Variants in GPLD1 observed in about 807,000 individuals in gnomAD.
The protein encoded by GPLD1 is glycosylphosphatidylinositol specific phospholipase D1.
Under a neutral mutation model 112.6 loss-of-function variants are expected in GPLD1, and 84 were observed. The ratio of observed to expected loss-of-function variants is 0.75; its 90% CI spans 0.63 to 0.89. GPLD1 has a LOEUF of 0.89. Ranked by LOEUF, GPLD1 falls within the 40% of genes least tolerant of loss-of-function variation. GPLD1 has a pLI of 0.00. For synonymous variants in GPLD1, 386 were observed against 403.8 expected, an observed-to-expected ratio of 0.96 and a Z score of 0.53; for missense variants, 1,044 against 1,051.5, an observed-to-expected ratio of 0.99 and a Z score of 0.10.
chr6:24,438,256 A>G (rs1446268981), intron 20 of GPLD1, among the ~76,000 whole-genome samples: 1 of 152,262 alleles, frequency 6.6e-6, no homozygotes, highest in East Asian at 1.9e-4. Flanking sequence ...CAAGTATTCA[A>G]TAAAGTGTTT....
At chr6:24,489,975 A>G (rs1764510847), upstream of GPLD1, among the ~76,000 whole-genome samples, 1 of 152,206 alleles carries the variant, frequency 6.6e-6, no homozygotes, top group Admixed American at 6.5e-5. Context: ...CACATTTATC[A>G]GGCTGTCCTG....
At chr6:24,483,733 T>C (rs1165137913) in intron 2 of GPLD1, among the ~76,000 whole-genome samples, 10 of 151,734 alleles carry the variant, frequency 6.6e-5, no homozygotes. Flanking sequence ...CGGTGTCGGA[T>C]TAGAATTGGT....
At chr6:24,462,327 G>T (rs1763464890) in intron 11 of GPLD1, among the ~76,000 whole-genome samples, 1 of 151,876 alleles carries the variant, frequency 6.6e-6, no homozygotes, top group African/African-American at 2.4e-5. Flanking sequence ...AGATATAGGG[G>T]TCTCACTATG....
chr6:24,428,206 T>A lies in GPLD1; in HGVS notation c.*826A>T, dbSNP rs1451044970. On this transcript the variant is annotated 3_prime_UTR_variant, in exon 25 of 25. Transcript: ENST00000230036. Reference sequence around the variant, plus strand: ...ACTATGCTTTCTATTATACTTTGATTGGCATGGGCCAATCTGTTATTTTTA... The same window carrying A: ...ACTATGCTTTCTATTATACTTTGATAGGCATGGGCCAATCTGTTATTTTTA... 6.6e-6 allele frequency: 1 copy of A among 151,138 alleles called. No individual in the cohort carries two copies. Among genetic ancestry groups the A allele is most frequent in the East Asian group, 1.9e-4 (1 of 5,164 alleles). The allele number at this position is 151,138 out of a possible 1,614,324, so 9.4% of individuals were successfully genotyped here. A position where few individuals can be genotyped will look rare whatever the true frequency, so the allele number is the denominator to read the frequency against.
chr6:24,450,336 A>G (rs1370415304), intron 14 of GPLD1, among the ~76,000 whole-genome samples: 2 of 152,096 alleles, frequency 1.3e-5, no homozygotes, highest in Non-Finnish European at 2.9e-5. Flanking sequence ...CCCCATCTGT[A>G]CTAAAACTAC....
intron 5 of GPLD1, among the ~76,000 whole-genome samples, chr6:24,474,732 G>C (rs1763950180): frequency 6.6e-6 from 1 of 152,082 alleles, no homozygotes; most frequent in Admixed American, 6.6e-5. Flanking sequence ...ATGAGGTCAG[G>C]AGATCAAGAC....
intron 5 of GPLD1, among the ~76,000 whole-genome samples, chr6:24,473,981 C>T (rs1216862778): frequency 1.3e-5 from 2 of 151,882 alleles, no homozygotes; most frequent in Non-Finnish European, 2.9e-5. Context: ...AAAAAATTGG[C>T]CGGGCATGGT....
chr6:24,488,640 ATG>A (rs1314467657), intron 1 of GPLD1, among the ~76,000 whole-genome samples: 1 of 152,128 alleles, frequency 6.6e-6, no homozygotes. Flanking sequence ...GGGGGGGCGG[ATG>A]TGTTAATTAG....
chr6:24,467,320 GA>G, intron 7 of GPLD1, 46 bp from the exon 8 acceptor site: 1 of 1,020,790 alleles, frequency 9.8e-7, no homozygotes, highest in Non-Finnish European at 1.6e-6. Context: ...TTCTGAAGCT[GA>G]AAATAGTAAC....
At position 24,425,922 on chromosome 6, in the gene GPLD1, T is replaced by G. The variant is rs1340854801; in HGVS notation, c.*3110A>C. The G allele has an allele frequency of 6.6e-6, 1 of 152,220 alleles. No homozygotes were observed. Among genetic ancestry groups the G allele is most frequent in the Non-Finnish European group, 1.5e-5 (1 of 68,044 alleles). The allele number at this position is 152,220 out of a possible 1,614,324, so 9.4% of individuals were successfully genotyped here. A position where few individuals can be genotyped will look rare whatever the true frequency, so the allele number is the denominator to read the frequency against. ...GGAATTGCAATATTAAAGTTGCACGTTGGATTTAACTCTCATGACTTTAGT... is the reference window on the plus strand; with the variant it reads ...GGAATTGCAATATTAAAGTTGCACGGTGGATTTAACTCTCATGACTTTAGT... On this transcript the variant is annotated 3_prime_UTR_variant, in exon 25 of 25. Transcript: ENST00000230036.
rs1289033827 is a variant in GPLD1, at chr6:24,436,612, T to A, written c.2322A>T (p.Lys774Asn). 1 of 1,614,012 alleles carries A rather than the reference T, an allele frequency of 6.2e-7. No homozygotes were observed. Among genetic ancestry groups the A allele is most frequent in the South Asian group, 1.1e-5 (1 of 91,082 alleles). ...KETTLGDMTG[K>N]CKSWITPCPE... ...GACATGGAGTTATCCATGATTTGCA[T>A]TTGCCAGTCATGTCACCAAGGGTGG... Residue 774 changes from lysine (K) to asparagine (N), a missense_variant, in exon 22 of 25, where the codon AAA (lysine) becomes AAT (asparagine). Physicochemically the swap from Lys to Asn is moderately conservative, Grantham distance 94. Coordinates refer to ENST00000230036, the MANE Select transcript of GPLD1 (RefSeq NM_001503.4).
At chr6:24,481,568 T>G (rs1170589411) in intron 2 of GPLD1, among the ~76,000 whole-genome samples, 1 of 152,178 alleles carries the variant, frequency 6.6e-6, no homozygotes, top group Admixed American at 6.6e-5. Context: ...CAGAATGCTG[T>G]GGCCAGCATG....
chr6:24,487,589 T>C (rs1016951776), intron 1 of GPLD1, among the ~76,000 whole-genome samples: 4 of 152,228 alleles, frequency 2.6e-5, no homozygotes, highest in Non-Finnish European at 5.9e-5. Flanking sequence ...CTCATCAGCT[T>C]ACTCTGTAGT....
At chr6:24,453,923 CTT>C (rs1422284628) in intron 14 of GPLD1, 90 bp downstream of exon 14, 4 of 796,478 alleles carry the variant, frequency 5.0e-6, no homozygotes, top group Non-Finnish European at 8.3e-6. Context: ...TGTAATTATT[CTT>C]GTTATTAGTT....
chr6:24,482,483 G>T (rs182581897), intron 2 of GPLD1, among the ~76,000 whole-genome samples: 47 of 152,108 alleles, frequency 3.1e-4, no homozygotes, highest in African/African-American at 1.0e-3. Flanking sequence ...GTTTCACCAG[G>T]TTGGCCAGGC....
chr6:24,478,440 T>C (rs1261131862), intron 3 of GPLD1, among the ~76,000 whole-genome samples: 2 of 152,094 alleles, frequency 1.3e-5, no homozygotes, highest in African/African-American at 4.8e-5. Flanking sequence ...AATGGGATAA[T>C]AGCAGATGAC....
Position 24,467,272 on chromosome 6 carries a change from T to C in GPLD1, c.548A>G (p.Tyr183Cys), listed in dbSNP as rs748387486. Residue 183 changes from tyrosine to cysteine, a missense_variant and splice_region_variant, in exon 8 of 25, where the codon TAT (tyrosine) becomes TGT (cysteine). Physicochemically the swap from Tyr to Cys is radical, Grantham distance 194. Transcript: ENST00000230036. ...FNFNYLARRW[Y>C]VPVKDLLGIY... Reference sequence around the variant, plus strand: ...TCCCAGTAGATCTTTGACTGGCACATACCTGAAAAATGCAGAATAAAGTAA... The same window carrying C: ...TCCCAGTAGATCTTTGACTGGCACACACCTGAAAAATGCAGAATAAAGTAA... 6 of 1,534,356 alleles carry C rather than the reference T, an allele frequency of 3.9e-6. No individual in the cohort carries two copies. Among genetic ancestry groups the C allele is most frequent in the Admixed American group, 1.7e-5 (1 of 59,724 alleles).
exon 1 of GPLD1, chr6:24,495,101 C>CGGGCCT (rs930349217): frequency 7.6e-7 from 1 of 1,314,982 alleles, no homozygotes; most frequent in African/African-American, 1.5e-5. Context: ...TCCCTGCCTC[C>CGGGCCT]GGGCCTGCGC....
intron 10 of GPLD1, among the ~76,000 whole-genome samples, chr6:24,465,714 C>T (rs778785399): frequency 1.3e-5 from 2 of 151,782 alleles, no homozygotes; most frequent in Admixed American, 6.6e-5. Context: ...ATCTATATTT[C>T]GGCTGAGTTT....
Sources: gnomAD v4.1 joint callset for allele counts (sites outside exome capture counted in the v4.1 genomes callset) on GRCh38, gnomAD v4.1.1 for gene constraint, MANE v1.5 for transcripts, NCBI Gene and HGNC (gene_info 2026-07-23, HGNC 2026-07-21) for gene names.